The following GPC5 variants were observed in gnomAD, a reference collection of about 807,000 sequenced individuals.
GPC5 encodes glypican 5.
GPC5 carries 47 observed loss-of-function variants against 53.9 expected under a neutral mutation model. That is an observed-to-expected ratio of 0.87 (90% CI 0.69 to 1.11). The LOEUF is 1.11. Among genes scored for constraint, GPC5 ranks in the 50% most tolerant of loss-of-function variants. GPC5 has a pLI of 0.00. For synonymous variants in GPC5, 286 were observed against 263.3 expected, an observed-to-expected ratio of 1.09 and a Z score of -0.84; for missense variants, 748 against 713.1, an observed-to-expected ratio of 1.05 and a Z score of -0.56.
chr13:91,692,728 C>T (rs1246497187), intron 2 of GPC5, among the ~76,000 whole-genome samples: 1 of 152,184 alleles, frequency 6.6e-6, no homozygotes, highest in Non-Finnish European at 1.5e-5. Context: ...ATTGCAACCT[C>T]CGCCTCCCAG....
chr13:92,751,515 ACAT>A (rs958681808), intron 7 of GPC5, among the ~76,000 whole-genome samples: 2 of 149,590 alleles, frequency 1.3e-5, no homozygotes, highest in African/African-American at 4.9e-5. Flanking sequence ...CTGCACTTAT[ACAT>A]CAAGTACCTT....
chr13:91,634,484 T>TTAGAAGAAAAATA (rs2034237916), intron 2 of GPC5, among the ~76,000 whole-genome samples: 2 of 152,046 alleles, frequency 1.3e-5, no homozygotes, highest in Admixed American at 1.3e-4. Context: ...ACTTGTTGAA[T>TTAGAAGAAAAATA]TAGAAGAAAA....
intron 7 of GPC5, among the ~76,000 whole-genome samples, chr13:92,210,718 A>G (rs1318457459): frequency 6.6e-6 from 1 of 152,224 alleles, no homozygotes; most frequent in Non-Finnish European, 1.5e-5. Context: ...AAGTATTCAG[A>G]CTATGTATAT....
chr13:92,076,365 C>T (rs2041252495), intron 6 of GPC5, among the ~76,000 whole-genome samples: 2 of 152,142 alleles, frequency 1.3e-5, no homozygotes, highest in Non-Finnish European at 2.9e-5. Flanking sequence ...GCCACCGCGC[C>T]TGGCGAAAGT....
intron 2 of GPC5, among the ~76,000 whole-genome samples, chr13:91,598,087 T>A (rs2033058114): frequency 6.6e-6 from 1 of 152,150 alleles, no homozygotes; most frequent in East Asian, 1.9e-4. Flanking sequence ...AGTTTACATT[T>A]CTGAACTATT....
At chr13:92,719,355 A>C (rs985685170) in intron 7 of GPC5, among the ~76,000 whole-genome samples, 1 of 152,170 alleles carries the variant, frequency 6.6e-6, no homozygotes, top group Non-Finnish European at 1.5e-5. Flanking sequence ...AAGCTAAAAG[A>C]AATCAAAAAT....
At chr13:92,093,517 A>G (rs566009204) in intron 6 of GPC5, among the ~76,000 whole-genome samples, 1 of 152,048 alleles carries the variant, frequency 6.6e-6, no homozygotes, top group East Asian at 1.9e-4. Flanking sequence ...TTGTGAAGCT[A>G]TGTTATCAAG....
intron 7 of GPC5, among the ~76,000 whole-genome samples, chr13:92,572,336 A>C (rs1309714440): frequency 1.3e-5 from 2 of 152,164 alleles, no homozygotes; most frequent in Admixed American, 6.5e-5. Context: ...AAGCTTTCTG[A>C]GTGTCCAACC....
At chr13:92,096,252 C>T (rs776968970) in intron 6 of GPC5, among the ~76,000 whole-genome samples, 1 of 152,228 alleles carries the variant, frequency 6.6e-6, no homozygotes, top group African/African-American at 2.4e-5. Flanking sequence ...TAACTCTCCC[C>T]CTTAGGGTTT....
At chr13:92,763,859 G>A (rs572346198) in intron 7 of GPC5, among the ~76,000 whole-genome samples, 1 of 152,246 alleles carries the variant, frequency 6.6e-6, no homozygotes, top group South Asian at 2.1e-4. Flanking sequence ...CTGGGGAGCA[G>A]CGTACTATTG....
chr13:92,475,160 G>A (rs1158449935), intron 7 of GPC5, among the ~76,000 whole-genome samples: 1 of 151,812 alleles, frequency 6.6e-6, no homozygotes, highest in Non-Finnish European at 1.5e-5. Context: ...TGTTCTTTTG[G>A]CTTAGGATTG....
At chr13:92,650,486 T>C (rs1885921918) in intron 7 of GPC5, among the ~76,000 whole-genome samples, 1 of 152,152 alleles carries the variant, frequency 6.6e-6, no homozygotes, top group African/African-American at 2.4e-5. Context: ...TTTAATATTT[T>C]AATAATTGTG....
intron 7 of GPC5, among the ~76,000 whole-genome samples, chr13:92,176,947 A>G (rs7329651): frequency 0.047 from 7,216 of 152,296 alleles, 575 homozygotes; most frequent in African/African-American, 0.16. Context: ...TCACCCTGCC[A>G]CTATGCTATA....
chr13:91,674,412 T>C (rs537243936), intron 2 of GPC5, among the ~76,000 whole-genome samples: 94 of 150,562 alleles, frequency 6.2e-4, no homozygotes, highest in Non-Finnish European at 1.1e-3. Flanking sequence ...TATATATATA[T>C]ACACACACAC....
chr13:91,889,091 C>T (rs2039357623), intron 5 of GPC5, among the ~76,000 whole-genome samples: 2 of 152,186 alleles, frequency 1.3e-5, no homozygotes, highest in Admixed American at 1.3e-4. Context: ...GCCAGACAGG[C>T]ACCTGATACA....
intron 7 of GPC5, among the ~76,000 whole-genome samples, chr13:92,482,879 T>A (rs979698195): frequency 5.9e-5 from 9 of 152,162 alleles, no homozygotes; most frequent in African/African-American, 1.7e-4. Context: ...ACCCTGCTAA[T>A]AAAGACATAC....
At chr13:92,054,971 C>A (rs2041062692) in intron 6 of GPC5, among the ~76,000 whole-genome samples, 1 of 152,006 alleles carries the variant, frequency 6.6e-6, no homozygotes, top group Non-Finnish European at 1.5e-5. Context: ...TCAAGAGTAA[C>A]AGAGATATAA....
intron 1 of GPC5, among the ~76,000 whole-genome samples, chr13:91,435,615 G>A (rs1879876041): frequency 6.6e-6 from 1 of 152,086 alleles, no homozygotes; most frequent in African/African-American, 2.4e-5. Context: ...TTTTTGCATC[G>A]ATGTTCATCA....
chr13:92,484,999 G>A (rs1475923443), intron 7 of GPC5, among the ~76,000 whole-genome samples: 1 of 152,096 alleles, frequency 6.6e-6, no homozygotes, highest in Non-Finnish European at 1.5e-5. Flanking sequence ...GCCTCCCAAA[G>A]TGCCAGGATT....
Sources: allele counts gnomAD v4.1 joint callset (sites outside exome capture counted in the v4.1 genomes callset), GRCh38; gene constraint gnomAD v4.1.1; transcripts MANE v1.5; gene names NCBI Gene and HGNC (gene_info 2026-07-23, HGNC 2026-07-21).